Variants in FBXW10 observed in about 807,000 individuals in gnomAD.
FBXW10 encodes the protein F-box and WD repeat domain containing 10.
In FBXW10, 68 loss-of-function variants were observed where a neutral mutation model predicts 113.1. That is an observed-to-expected ratio of 0.60 (90% CI 0.49 to 0.74). The LOEUF is 0.74. Ranked by LOEUF, FBXW10 falls within the 30% of genes least tolerant of loss-of-function variation. FBXW10 has a pLI of 0.00. For missense variants in FBXW10, 753 were observed against 1,284.5 expected (o/e 0.59, Z 6.32); for synonymous variants, 289 against 481.6 (o/e 0.60, Z 5.24).
Position 18,778,541 on chromosome 17 carries a change from C to T in FBXW10, c.2402C>T (p.Pro801Leu), listed in dbSNP as rs763236104. Residue 801 changes from proline (P) to leucine (L), a missense_variant, in exon 14 of 14, where the codon CCA (proline) becomes CTA (leucine). By Grantham distance (98) the Pro-to-Leu change is moderately conservative. Coordinates refer to ENST00000395665, the MANE Select transcript of FBXW10 (RefSeq NM_001267585.2). ...LETPGKLPSHPKKKSWKIPMS... is the reference protein window; with the variant it reads ...LETPGKLPSHLKKKSWKIPMS... ...ACTCCTGGAAAACTGCCCAGTCACC[C>T]AAAGAAAAAGTCTTGGAAAATCCCT... 5.9e-5 allele frequency: 95 copies of T among 1,613,402 alleles called. No individual in the cohort carries two copies. The Admixed American group carries it at 1.6e-3, about 27-fold the overall frequency.
intron 5 of FBXW10, among the ~76,000 whole-genome samples, chr17:18,755,274 C>T (rs1029232324): frequency 7.3e-6 from 1 of 137,914 alleles, no homozygotes; most frequent in African/African-American, 2.7e-5. Flanking sequence ...AAAAAAATTG[C>T]GGCCGGGCCT....
chr17:18,758,995 G>A (rs528028784), intron 7 of FBXW10, among the ~76,000 whole-genome samples: 7 of 152,130 alleles, frequency 4.6e-5, no homozygotes, highest in South Asian at 2.1e-4. Flanking sequence ...GTGAAACCCC[G>A]TCTCTACTAA....
chr17:18,764,615 C>G (rs2035450679), intron 7 of FBXW10, 127 bp from the exon 8 acceptor site: 19 of 1,466,726 alleles, frequency 1.3e-5, no homozygotes, highest in Non-Finnish European at 1.6e-5. Context: ...AATCCAGGCC[C>G]CTGACTCTAA....
chr17:18,758,506 G>A lies in FBXW10; in HGVS notation c.1433+1G>A, dbSNP rs2035316966. 2 of 1,613,390 alleles carry A rather than the reference G, an allele frequency of 1.2e-6. No homozygotes were observed. The highest frequency in any genetic ancestry group is 1.3e-5 in the African/African-American group (1 of 74,812). On this transcript the variant is annotated splice_donor_variant, in intron 7 of 13. Transcript: ENST00000395665. LOFTEE classifies it high-confidence loss of function. The stretch of plus-strand genomic sequence containing the variant: ...GCGGGAGCTATGACCTAAGTATCAG[G>A]TGAGGAGTCCAAAGGCATCATGATC...
intron 1 of FBXW10, among the ~76,000 whole-genome samples, chr17:18,745,928 GAA>G (rs1225011659): frequency 6.6e-6 from 1 of 152,206 alleles, no homozygotes; most frequent in Non-Finnish European, 1.5e-5. Flanking sequence ...AATTTCTAAG[GAA>G]AAGAGTTTTA....
intron 12 of FBXW10, among the ~76,000 whole-genome samples, chr17:18,774,015 C>T (rs982410037): frequency 6.6e-6 from 1 of 152,134 alleles, no homozygotes; most frequent in South Asian, 2.1e-4. Context: ...AAGACTAGAT[C>T]GGCTACTATT....
At chr17:18,750,638 T>TC (rs397776716) in intron 4 of FBXW10, among the ~76,000 whole-genome samples, 8 of 151,120 alleles carry the variant, frequency 5.3e-5, no homozygotes, top group Non-Finnish European at 1.2e-4. Context: ...GGATTTTTTT[T>TC]CCCCCAGCAG....
In FBXW10 at chr17:18,756,035, C is replaced by T. The variant is rs1050529191; in HGVS notation, c.1123-10C>T. The T allele has an allele frequency of 6.2e-7, 1 of 1,612,462 alleles. No individual in the cohort carries two copies. Among genetic ancestry groups the T allele is most frequent in the African/African-American group, 1.3e-5 (1 of 74,856 alleles). ...CCACTGAGCTTTAACTTCAAATATT[C>T]CCTTGTTAGAATGAGTACAACCTGT... On this transcript the variant is annotated splice_polypyrimidine_tract_variant and intron_variant, in intron 5 of 13. Transcript: ENST00000395665.
chr17:18,750,873 G>A (rs1422104805), intron 4 of FBXW10, 58 bp from the exon 5 acceptor site: 1 of 1,562,492 alleles, frequency 6.4e-7, no homozygotes, highest in African/African-American at 1.4e-5. Context: ...CAGAGTTGGA[G>A]CCAAGAGAAG....
chr17:18,768,026 T>TTCCTTCCTTCCTTCCTTCCTTC (rs2035532886), intron 9 of FBXW10, among the ~76,000 whole-genome samples: 3 of 135,680 alleles, frequency 2.2e-5, no homozygotes, highest in South Asian at 2.4e-4. Flanking sequence ...TTCCTTCCTT[T>TTCCTTCCTTCCTTCCTTCCTTC]CTTCCTTCCT....
At chr17:18,777,262 C>T (rs1204655197) in intron 13 of FBXW10, among the ~76,000 whole-genome samples, 2 of 151,786 alleles carry the variant, frequency 1.3e-5, no homozygotes, top group Admixed American at 6.6e-5. Flanking sequence ...CGGGTTTTCT[C>T]CATGTTGGTC....
chr17:18,756,286 C>T, intron 6 of FBXW10, 132 bp downstream of exon 6: 1 of 795,444 alleles, frequency 1.3e-6, no homozygotes, highest in East Asian at 2.7e-5. Flanking sequence ...CCTAAACTTG[C>T]ACATGATCCC....
At chr17:18,753,660 G>A (rs1433618425) in intron 5 of FBXW10, among the ~76,000 whole-genome samples, 3 of 152,110 alleles carry the variant, frequency 2.0e-5, no homozygotes, top group African/African-American at 7.2e-5. Flanking sequence ...ATCACCTGAG[G>A]TCAGGAGTTC....
intron 7 of FBXW10, among the ~76,000 whole-genome samples, chr17:18,762,063 T>A (rs567614733): frequency 2.0e-5 from 3 of 150,320 alleles, no homozygotes; most frequent in African/African-American, 7.3e-5. Flanking sequence ...CCTGGGTTCA[T>A]GCCATTCTCC....
chr17:18,768,242 A>G (rs1225446270), intron 9 of FBXW10, among the ~76,000 whole-genome samples: 1 of 151,632 alleles, frequency 6.6e-6, no homozygotes, highest in Non-Finnish European at 1.5e-5. Context: ...TAATTTTTGT[A>G]TTTTTAGTAG....
intron 8 of FBXW10, 80 bp downstream of exon 8, chr17:18,764,943 C>A (rs2035462793): frequency 6.2e-7 from 1 of 1,612,288 alleles, no homozygotes; most frequent in Middle Eastern, 1.7e-4. Flanking sequence ...TTGCTCATTT[C>A]TATAGGCAGG....
rs1479145916 is a variant in FBXW10 at position 18,778,567 on chromosome 17, A to C, written c.2428A>C (p.Met810Leu). 3 of 1,613,990 alleles carry C rather than the reference A, an allele frequency of 1.9e-6. No individual in the cohort carries two copies. The highest frequency in any genetic ancestry group is 2.5e-6 in the Non-Finnish European group (3 of 1,179,866). Residue 810 changes from methionine to leucine, a missense_variant, in exon 14 of 14, where the codon ATG becomes CTG. By Grantham distance (15) the Met-to-Leu change is conservative. Transcript: ENST00000395665. ...HPKKKSWKIP[M>L]SPDQFLLTVS... ...AAAGAAAAAGTCTTGGAAAATCCCT[A>C]TGTCACCTGACCAATTCCTCCTGAC...
At position 18,779,234 on chromosome 17, in the gene FBXW10, T is replaced by C. The variant is rs774252765; in HGVS notation, c.3095T>C (p.Ile1032Thr). The C allele has an allele frequency of 3.0e-6, 4 of 1,322,464 alleles. No homozygotes were observed. Among genetic ancestry groups the C allele is most frequent in the East Asian group, 4.6e-5 (2 of 43,558 alleles). 81.9% of individuals were successfully genotyped at this position (1,322,464 alleles called of 1,614,324 possible). A position where few individuals can be genotyped will look rare whatever the true frequency, so the allele number is the denominator to read the frequency against. The change falls in exon 14 of 14, where the codon ATT (isoleucine) becomes ACT (threonine). Residue 1032 changes from isoleucine to threonine, a missense_variant. Physicochemically the swap from Ile to Thr is moderately conservative, Grantham distance 89. Coordinates refer to ENST00000395665, the MANE Select transcript of FBXW10 (RefSeq NM_001267585.2). ...ATCAGGAAGATCAAAGGCCTGCCTATTGATAATTTCACGAAGCAAGGGAAA... is the reference window on the plus strand; with the variant it reads ...ATCAGGAAGATCAAAGGCCTGCCTACTGATAATTTCACGAAGCAAGGGAAA... Reference protein sequence around the residue: ...AWIRKIKGLPIDNFTKQGKTA... With the variant: ...AWIRKIKGLPTDNFTKQGKTA...
At position 18,766,810 on chromosome 17, in the gene FBXW10, G is replaced by A; in HGVS notation, c.1652G>A (p.Cys551Tyr). Residue 551 changes from cysteine to tyrosine, a missense_variant, in exon 9 of 14, where the codon TGT becomes TAT. Physicochemically the swap from Cys to Tyr is radical, Grantham distance 194. Coordinates refer to ENST00000395665, the MANE Select transcript of FBXW10 (RefSeq NM_001267585.2). The part of the protein sequence containing the change: ...RINDTYIVSS[C>Y]ERGLVKVWHI... ...AATGATACCTACATTGTGAGCAGCT[G>A]TGAGCGAGGGCTGGTGAAAGTGTGG... 6.2e-7 allele frequency: 1 copy of A among 1,612,704 alleles called. No homozygotes were observed. The highest frequency in any genetic ancestry group is 8.5e-7 in the Non-Finnish European group (1 of 1,178,838).
Sources: allele counts gnomAD v4.1 joint callset (sites outside exome capture counted in the v4.1 genomes callset), GRCh38; gene constraint gnomAD v4.1.1; transcripts MANE v1.5; gene names NCBI Gene and HGNC (gene_info 2026-07-23, HGNC 2026-07-21).